The following FES variants were observed in gnomAD, a reference collection of about 807,000 sequenced individuals.
The protein encoded by FES is tyrosine-protein kinase Fes/Fps.
Under a neutral mutation model 109.6 loss-of-function variants are expected in FES, and 83 were observed. The observed-to-expected ratio is 0.76, with a 90% confidence interval of 0.63 to 0.91. FES has a LOEUF of 0.91. Among genes scored for constraint, FES ranks in the 40% least tolerant of loss-of-function variants. The probability of loss-of-function intolerance (pLI) is 0.00; values close to 1 mark genes in which losing one functional copy is unlikely to be tolerated. For synonymous variants in FES, 458 were observed against 442.1 expected (o/e 1.04, Z -0.45); for missense variants, 943 against 1,070.9 (o/e 0.88, Z 1.67).
In FES at chr15:90,892,177, G is replaced by T. The variant is rs2041718556; in HGVS notation, c.1707+66G>T. On this transcript the variant is annotated intron_variant, in intron 13 of 18. Transcript: ENST00000328850. ...CTCCTGAGTCGCGCCTGGGCCCCCTGCCCTACCACCCAGAGACCTCCCTGC... is the reference window on the plus strand; with the variant it reads ...CTCCTGAGTCGCGCCTGGGCCCCCTTCCCTACCACCCAGAGACCTCCCTGC... 7 of 1,587,360 alleles carry T rather than the reference G, an allele frequency of 4.4e-6. No individual in the cohort carries two copies. The East Asian group carries it at 1.6e-4, about 35-fold the overall frequency.
chr15:90,892,627 T>C (rs1230488493), intron 13 of FES, 80 bp from the exon 14 acceptor site: 3 of 1,408,812 alleles, frequency 2.1e-6, no homozygotes, highest in Admixed American at 4.0e-5. Flanking sequence ...CACCCAGGGG[T>C]AGGAAGCAGA....
Position 90,886,151 on chromosome 15 carries a change from C to A in FES, c.387+566C>A, listed in dbSNP as rs531807897. Among the ~76,000 whole-genome samples, 3 of 152,376 alleles carry A rather than the reference C, an allele frequency of 2.0e-5. No homozygotes were observed. The East Asian group carries it at 5.8e-4, about 29-fold the overall frequency. ...CCCTCCCTGCACCACACCCCTTCCT[C>A]AAGTGCAGAGCCCAGCCTTGCCATG... On this transcript the variant is annotated intron_variant, in intron 3 of 18. Transcript: ENST00000328850.
chr15:90,885,011 A>G, intron 1 of FES, 26 bp from the exon 2 acceptor site: 1 of 1,561,874 alleles, frequency 6.4e-7, no homozygotes. Context: ...CCTTGCCTCC[A>G]GGGATGGCCC....
intron 12 of FES, among the ~76,000 whole-genome samples, 189 bp downstream of exon 12, chr15:90,891,865 G>A (rs1419496423): frequency 1.3e-5 from 2 of 152,220 alleles, no homozygotes; most frequent in Non-Finnish European, 2.9e-5. Context: ...TATGCCATGG[G>A]CTGTACACAC....
In FES at chr15:90,888,570, A is replaced by G. The variant is rs529597775; in HGVS notation, c.669-736A>G. On this transcript the variant is annotated intron_variant, in intron 5 of 18. Coordinates refer to ENST00000328850, the MANE Select transcript of FES (RefSeq NM_002005.4). Reference sequence around the variant, plus strand: ...GTAGCAATGGAGGTGAGGCGCGGTCAGGTCCTGGAAGGTGAAGCCAGTGGG... The same window carrying G: ...GTAGCAATGGAGGTGAGGCGCGGTCGGGTCCTGGAAGGTGAAGCCAGTGGG... Among the ~76,000 whole-genome samples the G allele has an allele frequency of 1.4e-4, 15 of 108,456 alleles. No individual in the cohort carries two copies. In the South Asian group the frequency reaches 5.3e-3, roughly 38 times the overall value. The allele number at this position is 108,456 out of a possible 152,430, so 71.2% of individuals were successfully genotyped here.
At position 90,895,306 on chromosome 15, in the gene FES, T is replaced by G. The variant is rs1337214072; in HGVS notation, c.2327-110T>G. 3 of 981,172 alleles carry G rather than the reference T, an allele frequency of 3.1e-6. No homozygotes were observed. In the Admixed American group the frequency reaches 8.9e-5, roughly 29 times the overall value. The allele number at this position is 981,172 out of a possible 1,614,324, so 60.8% of individuals were successfully genotyped here. The stretch of plus-strand genomic sequence containing the variant: ...CCCTTGGTGGAGAACAGTGCATCCT[T>G]CAGAACAGTGCATCTTAAGCAGCTC... On this transcript the variant is annotated intron_variant, in intron 18 of 18. Coordinates refer to ENST00000328850, the MANE Select transcript of FES (RefSeq NM_002005.4).
chr15:90,891,378 C>A (rs2033198589), intron 11 of FES, 176 bp from the exon 12 acceptor site: 1 of 1,066,084 alleles, frequency 9.4e-7, no homozygotes, highest in Non-Finnish European at 1.4e-6. Context: ...AAGTGTGAGT[C>A]CTCCCCTGGT....
chr15:90,890,344 T>A, intron 9 of FES, 57 bp from the exon 10 acceptor site: 1 of 1,595,062 alleles, frequency 6.3e-7, no homozygotes, highest in Non-Finnish European at 8.5e-7. Context: ...CGCTCCTCAT[T>A]TTCGCCCTCC....
In FES at chr15:90,893,321, AG is replaced by A; in HGVS notation, c.1957del (p.Ala653ProfsTer5). The A allele has an allele frequency of 2.0e-6, 3 of 1,536,644 alleles. No homozygotes were observed. Among genetic ancestry groups the A allele is most frequent in the Non-Finnish European group, 1.7e-6 (2 of 1,144,028 alleles). On this transcript the variant is annotated frameshift_variant, in exon 16 of 19. Transcript: ENST00000328850. LOFTEE classifies it high-confidence loss of function. ...GGDFLTFLRT[E>X]GARLRVKTLL... Reference sequence around the variant, plus strand: ...GACTTCCTGACCTTCCTCCGCACGGAGGGGGCCCGCCTGCGGGTGAAGACTC... The same window carrying A: ...GACTTCCTGACCTTCCTCCGCACGGAGGGGCCCGCCTGCGGGTGAAGACTC...
rs761219342 is a variant in FES, at chr15:90,885,548, G to A, written c.350G>A (p.Ser117Asn). ...RERQQLRKTYSEQWQQLQQEL... is the reference protein window; with the variant it reads ...RERQQLRKTYNEQWQQLQQEL... ...CGGCAGCAGCTTCGCAAGACCTACA[G>A]CGAGCAGTGGCAGCAGCTGCAGCAG... is the stretch of plus-strand genomic sequence containing the variant. Residue 117 changes from serine to asparagine, a missense_variant, in exon 3 of 19, where the codon AGC (serine) becomes AAC (asparagine). Coordinates refer to ENST00000328850, the MANE Select transcript of FES (RefSeq NM_002005.4). The A allele has an allele frequency of 3.1e-6, 5 of 1,613,090 alleles. No individual in the cohort carries two copies. The highest frequency in any genetic ancestry group is 2.2e-5 in the East Asian group (1 of 44,898).
rs777634189 is a variant in FES, at chr15:90,893,941, T to TG, written c.2209_2210insG (p.Tyr737Ter). Reference protein sequence around the residue: ...TAPEALNYGRYSSESDVWSFG... With the variant: ...TAPEALNYGR ...CCTCCTCGCCTCCTCTGCAGGCCGC[T>TG]ACTCCTCCGAAAGCGACGTGTGGAG... Residue 737 changes from tyrosine to a stop codon, truncating the protein, a stop_gained and frameshift_variant, in exon 18 of 19, where the codon TAC (tyrosine) becomes TGAC (stop). Transcript: ENST00000328850. LOFTEE classifies it high-confidence loss of function. 1 of 1,613,672 alleles carries TG rather than the reference T, an allele frequency of 6.2e-7. No homozygotes were observed. Among genetic ancestry groups the TG allele is most frequent in the South Asian group, 1.1e-5 (1 of 91,088 alleles).
intron 1 of FES, 127 bp from the exon 2 acceptor site, chr15:90,884,910 G>A (rs372959144): frequency 7.9e-6 from 6 of 759,500 alleles, no homozygotes; most frequent in African/African-American, 6.9e-5. Context: ...GCGTGTGAGC[G>A]AGGCAGGACC....
At position 90,890,424 on chromosome 15, in the gene FES, G is replaced by T. The variant is rs1171702666; in HGVS notation, c.1260G>T (p.Arg420Ser). 6.2e-7 allele frequency: 1 copy of T among 1,613,028 alleles called. No individual in the cohort carries two copies. Residue 420 changes from arginine to serine, a missense_variant, in exon 10 of 19, where the codon AGG (arginine) becomes AGT (serine). By Grantham distance (110) the Arg-to-Ser change is moderately radical (BLOSUM62 -1). Coordinates refer to ENST00000328850, the MANE Select transcript of FES (RefSeq NM_002005.4). ...AGGAGCAGGAGCGAGAGGGGGGAAG[G>T]ACACCCACGCTGGAGATCCTTAAGA... ...SSSEQEREGG[R>S]TPTLEILKSH...
chr15:90,893,815 C>T lies in FES; in HGVS notation c.2203+4C>T. 3 of 1,593,280 alleles carry T rather than the reference C, an allele frequency of 1.9e-6. No individual in the cohort carries two copies. Among genetic ancestry groups the T allele is most frequent in the Non-Finnish European group, 2.6e-6 (3 of 1,168,486 alleles). ...GCACCTGAGGCCCTTAACTACGGTA[C>T]CTAGTCCCTGTCTACCCTGGACTCC... On this transcript the variant is annotated splice_donor_region_variant and intron_variant, in intron 17 of 18. Coordinates refer to ENST00000328850, the MANE Select transcript of FES (RefSeq NM_002005.4).
rs113842310 is a variant in FES at position 90,892,119 on chromosome 15, C to G, written c.1707+8C>G. ...GGTGAGCAGATTGGACGGGTGAGTG[C>G]GCCTCTGCTGGCCTCCTTGTCGCTG... On this transcript the variant is annotated splice_region_variant and intron_variant, in intron 13 of 18. Transcript: ENST00000328850. The G allele has an allele frequency of 7.4e-6, 12 of 1,613,922 alleles. No homozygotes were observed. In the South Asian group the frequency reaches 1.3e-4, roughly 18 times the overall value.
intron 5 of FES, among the ~76,000 whole-genome samples, chr15:90,888,574 C>T (rs1294937520): frequency 9.8e-6 from 1 of 101,578 alleles, no homozygotes; most frequent in East Asian, 7.1e-4. Context: ...GCGGTCAGGT[C>T]CTGGAAGGTG....
rs2032731594 is a variant in FES, at chr15:90,887,209, G to A, written c.507G>A (p.Lys169=). Residue 169 remains lysine, a synonymous_variant, in exon 5 of 19, where the codon AAG becomes AAA. Coordinates refer to ENST00000328850, the MANE Select transcript of FES (RefSeq NM_002005.4). The part of the protein sequence containing the change: ...ASKDKDRDKA[K]DKYVRSLWKL... Reference sequence around the variant, plus strand: ...CAGACAAGGACCGTGACAAGGCTAAGGACAAGTATGTGCGCAGCCTGTGGA... The same window carrying A: ...CAGACAAGGACCGTGACAAGGCTAAAGACAAGTATGTGCGCAGCCTGTGGA... 1 of 1,613,560 alleles carries A rather than the reference G, an allele frequency of 6.2e-7. No homozygotes were observed. Among genetic ancestry groups the A allele is most frequent in the East Asian group, 2.2e-5 (1 of 44,890 alleles).
intron 9 of FES, 33 bp downstream of exon 9, chr15:90,890,311 A>G (rs1390456090): frequency 1.9e-6 from 3 of 1,588,366 alleles, no homozygotes; most frequent in East Asian, 4.5e-5. Context: ...GCTGCCCGCC[A>G]CCGGCCTGCC....
chr15:90,890,016 C>T lies in FES; in HGVS notation c.1049+54C>T, dbSNP rs2033049330. On this transcript the variant is annotated intron_variant, in intron 8 of 18. Coordinates refer to ENST00000328850, the MANE Select transcript of FES (RefSeq NM_002005.4). ...CCTGGGCCTCCCTCCCTCCTACCTA[C>T]CCTAACTGCTGCTGGCTACCCGCCG... The T allele has an allele frequency of 6.3e-6, 10 of 1,594,888 alleles. No homozygotes were observed. In the South Asian group the frequency reaches 7.8e-5, roughly 12 times the overall value.
Sources: allele counts gnomAD v4.1 joint callset (sites outside exome capture counted in the v4.1 genomes callset), GRCh38; gene constraint gnomAD v4.1.1; transcripts MANE v1.5; gene names NCBI Gene and HGNC (gene_info 2026-07-23, HGNC 2026-07-21).